The following AGMO variants were observed in gnomAD, a reference collection of about 807,000 sequenced individuals.
AGMO encodes glyceryl-ether monooxygenase.
A neutral mutation model predicts 60.2 loss-of-function variants in AGMO; 75 were observed. That is an observed-to-expected ratio of 1.25 (90% CI 1.03 to 1.51). AGMO has a LOEUF of 1.51. AGMO is among the 40% of genes most tolerant of loss of function. The probability of loss-of-function intolerance (pLI) is 0.00; values close to 1 mark genes in which losing one functional copy is unlikely to be tolerated. For synonymous variants in AGMO, 261 were observed against 177.1 expected (o/e 1.47, Z -3.76); for missense variants, 763 against 525.5 (o/e 1.45, Z -4.42).
At chr7:15,202,793 T>A (rs1010246227) in intron 12 of AGMO, among the ~76,000 whole-genome samples, 1 of 152,146 alleles carries the variant, frequency 6.6e-6, no homozygotes, top group African/African-American at 2.4e-5. Context: ...TCAAGAGAAA[T>A]GACCTCATGG....
intron 12 of AGMO, among the ~76,000 whole-genome samples, chr7:15,256,635 C>G (rs941623881): frequency 6.6e-6 from 1 of 152,096 alleles, no homozygotes; most frequent in African/African-American, 2.4e-5. Context: ...GTGCTGGGAT[C>G]GCAGGCGCAA....
chr7:15,282,417 G>C (rs1247672627), intron 12 of AGMO, among the ~76,000 whole-genome samples: 2 of 152,082 alleles, frequency 1.3e-5, no homozygotes, highest in African/African-American at 4.8e-5. Context: ...GATACATTTA[G>C]GGAGTTACAA....
At chr7:15,138,654 C>T in the AGMO span, among the ~76,000 whole-genome samples, 3 of 152,112 alleles carry the variant, frequency 2.0e-5, no homozygotes, top group Admixed American at 6.6e-5. Context: ...CAGAATAAAC[C>T]GTTTTCTAAA....
intron 3 of AGMO, among the ~76,000 whole-genome samples, chr7:15,460,262 T>A (rs1782111423): frequency 6.6e-6 from 1 of 151,972 alleles, no homozygotes; most frequent in Non-Finnish European, 1.5e-5. Context: ...TAATTTGTTG[T>A]ATTTTTAGTA....
intron 3 of AGMO, among the ~76,000 whole-genome samples, chr7:15,448,915 T>C (rs993873864): frequency 4.6e-5 from 7 of 152,204 alleles, no homozygotes; most frequent in Admixed American, 3.3e-4. Flanking sequence ...TTATTGTCAC[T>C]GTTTTAAGGA....
chr7:15,428,194 C>T (rs996060815), intron 4 of AGMO, among the ~76,000 whole-genome samples: 1 of 151,960 alleles, frequency 6.6e-6, no homozygotes, highest in Non-Finnish European at 1.5e-5. Context: ...GAAGTGTGCC[C>T]TATAATTTTG....
At chr7:15,264,106 G>C (rs1399216999) in intron 12 of AGMO, among the ~76,000 whole-genome samples, 1 of 151,652 alleles carries the variant, frequency 6.6e-6, no homozygotes, top group Non-Finnish European at 1.5e-5. Flanking sequence ...TTAAATATTA[G>C]AAAAGAGAAG....
intron 3 of AGMO, among the ~76,000 whole-genome samples, chr7:15,521,671 T>A (rs755190443): frequency 3.3e-5 from 5 of 152,048 alleles, no homozygotes; most frequent in Non-Finnish European, 1.5e-5. Flanking sequence ...AAACACTCAA[T>A]AAACTAGGTA....
intron 8 of AGMO, 151 bp from the exon 9 acceptor site, chr7:15,387,691 C>G (rs1416190027): frequency 1.5e-6 from 1 of 661,186 alleles, no homozygotes; most frequent in African/African-American, 1.8e-5. Flanking sequence ...TAATTGCATT[C>G]CATGCTGTAA....
rs61400312 is a variant in AGMO, at chr7:15,406,228, T to TACAC, written c.610-12053_610-12050dup. Among the ~76,000 whole-genome samples the TACAC allele has an allele frequency of 1.2e-3, 157 of 136,402 alleles. 3 individuals are homozygous for TACAC. The highest frequency in any genetic ancestry group is 1.9e-3 in the African/African-American group (65 of 34,908). The allele number at this position is 136,402 out of a possible 152,430, so 89.5% of individuals were successfully genotyped here. A position where few individuals can be genotyped will look rare whatever the true frequency, so the allele number is the denominator to read the frequency against. ...ACTCAAAAGGCCCCTTTGTTTGGAATACACACACACACACACACACACACG... is the reference window on the plus strand; with the variant it reads ...ACTCAAAAGGCCCCTTTGTTTGGAATACACACACACACACACACACACACACACG... On this transcript the variant is annotated intron_variant, in intron 5 of 12. Transcript: ENST00000342526.
At chr7:15,443,932 T>C (rs1023943751) in intron 3 of AGMO, among the ~76,000 whole-genome samples, 7 of 152,196 alleles carry the variant, frequency 4.6e-5, no homozygotes, top group Non-Finnish European at 7.3e-5. Flanking sequence ...AACTATTGCA[T>C]ATGTCATTTT....
chr7:15,255,932 A>G (rs1277364802), intron 12 of AGMO, among the ~76,000 whole-genome samples: 6 of 152,232 alleles, frequency 3.9e-5, no homozygotes, highest in African/African-American at 7.2e-5. Flanking sequence ...ATGACTGATC[A>G]TGGGATTCAA....
chr7:15,316,740 T>G (rs1780937437), intron 12 of AGMO, among the ~76,000 whole-genome samples: 1 of 152,178 alleles, frequency 6.6e-6, no homozygotes, highest in South Asian at 2.1e-4. Flanking sequence ...TCTCACTGTT[T>G]AGCGAAAAAT....
intron 12 of AGMO, among the ~76,000 whole-genome samples, chr7:15,339,815 A>G (rs930578134): frequency 2.6e-4 from 40 of 152,278 alleles, no homozygotes; most frequent in Admixed American, 1.1e-3. Flanking sequence ...TGAAAGCATG[A>G]TATTTCTAAA....
chr7:15,163,699 TTA>T, the AGMO span, among the ~76,000 whole-genome samples: 146 of 152,218 alleles, frequency 9.6e-4, 2 homozygotes, highest in Non-Finnish European at 1.3e-3. Flanking sequence ...TATCTTTTTC[TTA>T]TATGTTGGAT....
the AGMO span, among the ~76,000 whole-genome samples, chr7:15,137,894 G>A: frequency 3.1e-4 from 45 of 147,372 alleles, no homozygotes; most frequent in African/African-American, 8.4e-4. Flanking sequence ...AATGTAGAAG[G>A]CTTTAACTGA....
At chr7:15,428,577 A>T (rs927674724) in intron 4 of AGMO, among the ~76,000 whole-genome samples, 2 of 152,168 alleles carry the variant, frequency 1.3e-5, no homozygotes, top group Non-Finnish European at 2.9e-5. Flanking sequence ...AGATTACAAT[A>T]AACTGGACTC....
At chr7:15,401,320 C>A (rs949623640) in intron 5 of AGMO, among the ~76,000 whole-genome samples, 14 of 151,954 alleles carry the variant, frequency 9.2e-5, no homozygotes, top group Non-Finnish European at 1.9e-4. Flanking sequence ...CTCTTGATTC[C>A]TTTGATTGGC....
At chr7:15,291,133 G>A (rs1195959274) in intron 12 of AGMO, among the ~76,000 whole-genome samples, 2 of 151,878 alleles carry the variant, frequency 1.3e-5, no homozygotes, top group Non-Finnish European at 2.9e-5. Flanking sequence ...TTCCCTTAAG[G>A]TCCTTAGATG....
Sources: allele counts gnomAD v4.1 joint callset (sites outside exome capture counted in the v4.1 genomes callset), GRCh38; gene constraint gnomAD v4.1.1; transcripts MANE v1.5; gene names NCBI Gene and HGNC (gene_info 2026-07-23, HGNC 2026-07-21).